DDX5: variants seen among roughly 807,000 people sequenced by gnomAD.
DDX5 encodes the protein probable ATP-dependent RNA helicase DDX5.
A neutral mutation model predicts 68.6 loss-of-function variants in DDX5; 6 were observed. The ratio of observed to expected loss-of-function variants is 0.09; its 90% CI spans 0.05 to 0.17. The LOEUF (loss-of-function observed/expected upper bound fraction) is 0.17. Among genes scored for constraint, DDX5 ranks in the 10% least tolerant of loss-of-function variants. The probability of loss-of-function intolerance (pLI) is 1.00; values close to 1 mark genes in which losing one functional copy is unlikely to be tolerated. For synonymous variants in DDX5, 350 were observed against 247.0 expected, an observed-to-expected ratio of 1.42 and a Z score of -3.91; for missense variants, 499 against 756.1, an observed-to-expected ratio of 0.66 and a Z score of 3.99.
intron 9 of DDX5, 95 bp downstream of exon 9, chr17:64,502,344 A>G: frequency 1.4e-6 from 2 of 1,449,452 alleles, no homozygotes; most frequent in South Asian, 1.2e-5. Context: ...TAAATTCACT[A>G]TCAGATATGA....
In DDX5 at chr17:64,503,747, G is replaced by A. The variant is rs974949943; in HGVS notation, c.507+56C>T. The A allele has an allele frequency of 5.2e-5, 81 of 1,567,380 alleles. No individual in the cohort carries two copies. The South Asian group carries it at 7.9e-4, about 15-fold the overall frequency. ...CACAAATGATTACATCTTTAGCTAT[G>A]TAGTCTAAAATCTACACATTATGCT... On this transcript the variant is annotated intron_variant, in intron 5 of 12. Transcript: ENST00000225792.
chr17:64,501,979 A>C (rs1222470188), intron 11 of DDX5, 31 bp downstream of exon 11: 1 of 1,606,972 alleles, frequency 6.2e-7, no homozygotes, highest in Non-Finnish European at 8.5e-7. Context: ...TCTTCTGGGA[A>C]ACCAAGCCAT....
Position 64,506,242 on chromosome 17 carries a change from A to C in DDX5, c.-123T>G. ...CGGCAGCGGAGGAAGGACACCGATG[A>C]CACCAGCCGAAGCTGCACTACTAGA... On this transcript the variant is annotated 5_prime_UTR_variant, in exon 1 of 13. Coordinates refer to ENST00000225792, the MANE Select transcript of DDX5 (RefSeq NM_004396.5). The C allele has an allele frequency of 6.5e-7, 1 of 1,549,680 alleles. No homozygotes were observed. The highest frequency in any genetic ancestry group is 8.7e-7 in the Non-Finnish European group (1 of 1,147,658).
intron 1 of DDX5, 63 bp from the exon 2 acceptor site, chr17:64,504,905 TTGTCATCCATTGGCA>T (rs2038393006): frequency 6.7e-7 from 1 of 1,491,194 alleles, no homozygotes; most frequent in East Asian, 2.3e-5. Context: ...CTGTATAGAT[TTGTCATCCATTGGCA>T]CAAGCTAAAA....
At position 64,502,243 on chromosome 17, in the gene DDX5, G is replaced by C. The variant is rs782144943; in HGVS notation, c.1095-20C>G. Reference sequence around the variant, plus strand: ...GGCCACCTAAGTTAAAAGACAAGTTGTGTTATTAAACTCACATTGAAAACC... The same window carrying C: ...GGCCACCTAAGTTAAAAGACAAGTTCTGTTATTAAACTCACATTGAAAACC... On this transcript the variant is annotated intron_variant, in intron 9 of 12. Transcript: ENST00000225792. 34 of 1,613,236 alleles carry C rather than the reference G, an allele frequency of 2.1e-5. 1 individual carries two copies. Among genetic ancestry groups the C allele is most frequent in the African/African-American group, 2.7e-5 (2 of 74,668 alleles).
chr17:64,505,910 A>C, intron 1 of DDX5, 166 bp downstream of exon 1: 2 of 1,534,962 alleles, frequency 1.3e-6, no homozygotes, highest in East Asian at 2.4e-5. Context: ...ATCTCTTCCA[A>C]TCACTGTGAC....
At chr17:64,503,957 C>G (rs377236584) in intron 4 of DDX5, 26 bp downstream of exon 4, 1 of 1,614,020 alleles carries the variant, frequency 6.2e-7, no homozygotes, top group African/African-American at 1.3e-5. Flanking sequence ...TATATCAGAT[C>G]AACTCAAGAG....
chr17:64,506,019 G>GGCCCCCCCCCCCCCC, intron 1 of DDX5, 57 bp downstream of exon 1: 1 of 1,360,442 alleles, frequency 7.4e-7, no homozygotes, highest in Non-Finnish European at 1.0e-6. Context: ...CCGCCACCCT[G>GGCCCCCCCCCCCCCC]ACCCGCCCTC....
Position 64,499,804 on chromosome 17 carries a change from A to G in DDX5, c.*119T>C. On this transcript the variant is annotated 3_prime_UTR_variant, in exon 13 of 13. Transcript: ENST00000225792. ...AATAGCGAAAAAGTGCACCATAATT[A>G]CTGCTGCACTGCAGTCATTTCTGCA... 3 of 877,546 alleles carry G rather than the reference A, an allele frequency of 3.4e-6. No individual in the cohort carries two copies. The highest frequency in any genetic ancestry group is 3.2e-6 in the Non-Finnish European group (2 of 617,576). 54.4% of individuals were successfully genotyped at this position (877,546 alleles called of 1,614,324 possible). A position where few individuals can be genotyped will look rare whatever the true frequency, so the allele number is the denominator to read the frequency against.
In DDX5 at chr17:64,504,261, G is replaced by A. The variant is rs375555795; in HGVS notation, c.268C>T (p.Pro90Ser). 1 of 1,614,100 alleles carries A rather than the reference G, an allele frequency of 6.2e-7. No individual in the cohort carries two copies. The highest frequency in any genetic ancestry group is 8.5e-7 in the Non-Finnish European group (1 of 1,180,016). Reference sequence around the variant, plus strand: ...TCATAAAAATTTAGAACTGGCTTCGGGCAGTTGTGACCTCTAACTGTAATT... The same window carrying A: ...TCATAAAAATTTAGAACTGGCTTCGAGCAGTTGTGACCTCTAACTGTAATT... ...KEITVRGHNC[P>S]KPVLNFYEAN... Residue 90 changes from proline (P) to serine (S), a missense_variant, in exon 3 of 13, where the codon CCG becomes TCG. Around this residue, in one of 5 missense-constraint regions of DDX5, gnomAD observed 140 missense variants for 135.7 expected, o/e 1.03. Coordinates refer to ENST00000225792, the MANE Select transcript of DDX5 (RefSeq NM_004396.5).
At position 64,498,670 on chromosome 17, in the gene DDX5, A is replaced by G. The variant is rs1316576648; in HGVS notation, c.*1253T>C. On this transcript the variant is annotated 3_prime_UTR_variant, in exon 13 of 13. Coordinates refer to ENST00000225792, the MANE Select transcript of DDX5 (RefSeq NM_004396.5). ...CCTCAGTTTAATAATCAGAATTTAA[A>G]TGAAGTCTCCTGAAGACCTCTCTTC... 6.6e-6 allele frequency among the ~76,000 whole-genome samples: 1 copy of G among 152,096 alleles called. No homozygotes were observed. The highest frequency in any genetic ancestry group is 2.4e-5 in the African/African-American group (1 of 41,342).
chr17:64,499,913 T>A lies in DDX5; in HGVS notation c.*10A>T. 1 of 1,568,908 alleles carries A rather than the reference T, an allele frequency of 6.4e-7. No homozygotes were observed. Among genetic ancestry groups the A allele is most frequent in the Non-Finnish European group, 8.6e-7 (1 of 1,156,604 alleles). On this transcript the variant is annotated 3_prime_UTR_variant, in exon 13 of 13. Transcript: ENST00000225792. ...ATGAAAAACAGACATTTACATATACTTCTAAAGTCTTATTGGGAATATCCT... is the reference window on the plus strand; with the variant it reads ...ATGAAAAACAGACATTTACATATACATCTAAAGTCTTATTGGGAATATCCT...
At chr17:64,504,607 C>T (rs1420301728) in intron 2 of DDX5, 70 bp downstream of exon 2, 17 of 1,500,730 alleles carry the variant, frequency 1.1e-5, no homozygotes, top group African/African-American at 2.8e-5. Flanking sequence ...TGCAAAACAC[C>T]TGTCAGAATT....
intron 11 of DDX5, 35 bp from the exon 12 acceptor site, chr17:64,500,808 T>C (rs551708330): frequency 6.5e-7 from 1 of 1,528,348 alleles, no homozygotes; most frequent in South Asian, 1.1e-5. Context: ...AATAGCAATG[T>C]ACGGAGTTTT....
chr17:64,502,656 G>C (rs2038327793), intron 8 of DDX5, 107 bp from the exon 9 acceptor site: 1 of 878,738 alleles, frequency 1.1e-6, no homozygotes, highest in East Asian at 2.5e-5. Flanking sequence ...ATGGCTGGAA[G>C]TCAAAGAGGA....
At chr17:64,504,869 A>G (rs376625823) in intron 1 of DDX5, 27 bp from the exon 2 acceptor site, 33 of 1,586,346 alleles carry the variant, frequency 2.1e-5, no homozygotes, top group African/African-American at 1.1e-4. Flanking sequence ...CGTTATTCAC[A>G]TTTTCAAATG....
At chr17:64,503,766 T>C (rs782092444) in intron 5 of DDX5, 37 bp downstream of exon 5, 4 of 1,592,870 alleles carry the variant, frequency 2.5e-6, no homozygotes, top group African/African-American at 2.7e-5. Context: ...AATCTACACA[T>C]TATGCTTCTA....
At chr17:64,505,399 T>A (rs928905535) in intron 1 of DDX5, 31 of 505,258 alleles carry the variant, frequency 6.1e-5, no homozygotes, top group Middle Eastern at 5.3e-4. Flanking sequence ...ATCAAAATTA[T>A]ATAACGCAGG....
chr17:64,505,640 G>C, intron 1 of DDX5: 1 of 1,226,622 alleles, frequency 8.2e-7, no homozygotes, highest in Non-Finnish European at 1.2e-6. Flanking sequence ...CCACATGGCT[G>C]ATGCCGGCCG....
Sources: gnomAD v4.1 joint callset for allele counts (sites outside exome capture counted in the v4.1 genomes callset) on GRCh38, gnomAD v4.1.1 for gene constraint, gnomAD v4.1.1 regional missense constraint, MANE v1.5 for transcripts, NCBI Gene and HGNC (gene_info 2026-07-23, HGNC 2026-07-21) for gene names.